ZNF446: variants seen among roughly 807,000 people sequenced by gnomAD.
The protein encoded by ZNF446 is zinc finger protein with KRAB and SCAN domains 20.
Under a neutral mutation model 34.0 loss-of-function variants are expected in ZNF446, and 42 were observed. The ratio of observed to expected loss-of-function variants is 1.23; its 90% CI spans 0.96 to 1.60. ZNF446 has a LOEUF of 1.60. ZNF446 is among the 40% of genes most tolerant of loss of function. ZNF446 has a pLI of 0.00. For missense variants in ZNF446, 650 were observed against 600.2 expected (o/e 1.08, Z -0.87); for synonymous variants, 315 against 251.0 (o/e 1.25, Z -2.41).
the ZNF446 span, among the ~76,000 whole-genome samples, chr19:58,487,497 A>G: frequency 6.6e-6 from 1 of 152,080 alleles, no homozygotes; most frequent in African/African-American, 2.4e-5. Flanking sequence ...CCCTCGACAA[A>G]CCCAGAAGGT....
Position 58,477,641 on chromosome 19 carries a change from C to T in ZNF446, c.347C>T (p.Thr116Ile), listed in dbSNP as rs373908208. 3.1e-6 allele frequency: 5 copies of T among 1,613,688 alleles called. No homozygotes were observed. The highest frequency in any genetic ancestry group is 2.7e-5 in the African/African-American group (2 of 74,944). Reference protein sequence around the residue: ...HDPGQLLGWITAHVLKQEVLP... With the variant: ...HDPGQLLGWIIAHVLKQEVLP... ...TGACCTACCTCTTCTCCTCAGATCA[C>T]AGCCCATGTCCTGAAGCAGGAGGTG... The change falls in exon 3 of 7, where the codon ACA becomes ATA. Residue 116 changes from threonine (T) to isoleucine (I), a missense_variant. Physicochemically the swap from Thr to Ile is moderately conservative, Grantham distance 89. Transcript: ENST00000594369.
Position 58,480,591 on chromosome 19 carries a change from G to C in ZNF446, c.1218G>C (p.Trp406Cys), listed in dbSNP as rs1415134090. 3.1e-6 allele frequency: 5 copies of C among 1,612,678 alleles called. No homozygotes were observed. Among genetic ancestry groups the C allele is most frequent in the Non-Finnish European group, 4.2e-6 (5 of 1,179,958 alleles). ...AGGAGTGCGGGTGCAGCTTCAGCTG[G>C]AAGTCGCAGCTGGTCATCCACCGCA... ...PCEECGCSFSWKSQLVIHRKS... is the reference protein window; with the variant it reads ...PCEECGCSFSCKSQLVIHRKS... Residue 406 changes from tryptophan to cysteine, a missense_variant, in exon 7 of 7, where the codon TGG becomes TGC. By Grantham distance (215) the Trp-to-Cys change is radical. Coordinates refer to ENST00000594369, the MANE Select transcript of ZNF446 (RefSeq NM_017908.4). The surrounding 1 kb of genome is among the most constrained non-coding windows in gnomAD (Gnocchi z 7.2).
At chr19:58,481,972 T>C (rs1277794701), downstream of ZNF446, among the ~76,000 whole-genome samples, 7 of 152,104 alleles carry the variant, frequency 4.6e-5, no homozygotes, top group Non-Finnish European at 1.0e-4. Context: ...TTTTTTGCAT[T>C]TTTAGTAGAG....
chr19:58,479,869 A>C (rs2122447721), intron 5 of ZNF446, 61 bp from the exon 6 acceptor site: 2 of 1,419,616 alleles, frequency 1.4e-6, no homozygotes, highest in African/African-American at 1.4e-5. Flanking sequence ...CACCTACCAG[A>C]ACCGACCCCA....
In ZNF446 at chr19:58,477,772, G is replaced by C. The variant is rs1436509145; in HGVS notation, c.478G>C (p.Val160Leu). The C allele has an allele frequency of 6.2e-7, 1 of 1,604,960 alleles. No individual in the cohort carries two copies. Among genetic ancestry groups the C allele is most frequent in the East Asian group, 2.2e-5 (1 of 44,814 alleles). Residue 160 changes from valine (V) to leucine (L), a missense_variant, in exon 3 of 7, where the codon GTC becomes CTC. Physicochemically the swap from Val to Leu is conservative, Grantham distance 32. Transcript: ENST00000594369. ...CCAGGACACCAGAATAGAGGGGTCT[G>C]TCCAGCTCAGCTGCAGTGTGAAGGA... ...GPQDTRIEGS[V>L]QLSCSVKEEP...
In ZNF446 at chr19:58,477,551, G is replaced by A; in HGVS notation, c.333G>A (p.Leu111=). The A allele has an allele frequency of 6.2e-7, 1 of 1,612,212 alleles. No individual in the cohort carries two copies. The highest frequency in any genetic ancestry group is 8.5e-7 in the Non-Finnish European group (1 of 1,178,964). Residue 111 remains leucine (L), a synonymous_variant, in exon 2 of 7, where the codon CTG becomes CTA. Transcript: ENST00000594369. ...VEGLQHDPGQ[L]LGWITAHVLK... ...GACTGCAGCATGACCCTGGGCAACT[G>A]TTGGGCTGGGTGAGTGTGGCTGGCA...
the ZNF446 span, among the ~76,000 whole-genome samples, chr19:58,487,151 A>G: frequency 6.6e-6 from 1 of 152,206 alleles, no homozygotes; most frequent in Non-Finnish European, 1.5e-5. Context: ...CCTGCCAATA[A>G]CAAGTATTGG....
chr19:58,486,471 A>G, the ZNF446 span, among the ~76,000 whole-genome samples: 2 of 147,298 alleles, frequency 1.4e-5, no homozygotes, highest in Admixed American at 6.7e-5. Context: ...GCAATGGGGT[A>G]ATCTCGGCTC....
At position 58,477,745 on chromosome 19, in the gene ZNF446, C is replaced by A; in HGVS notation, c.451C>A (p.Pro151Thr). Reference sequence around the variant, plus strand: ...GACAGTGGAGTCCCCTGGGGAAGGTCCCCAGGACACCAGAATAGAGGGGTC... The same window carrying A: ...GACAGTGGAGTCCCCTGGGGAAGGTACCCAGGACACCAGAATAGAGGGGTC... Reference protein sequence around the residue: ...SGTVESPGEGPQDTRIEGSVQ... With the variant: ...SGTVESPGEGTQDTRIEGSVQ... Residue 151 changes from proline (P) to threonine (T), a missense_variant, in exon 3 of 7, where the codon CCC becomes ACC. Transcript: ENST00000594369. The A allele has an allele frequency of 6.2e-7, 1 of 1,612,734 alleles. No homozygotes were observed. Among genetic ancestry groups the A allele is most frequent in the Non-Finnish European group, 8.5e-7 (1 of 1,179,464 alleles).
At chr19:58,478,631 T>A (rs1052539001) in intron 4 of ZNF446, among the ~76,000 whole-genome samples, 4 of 149,588 alleles carry the variant, frequency 2.7e-5, no homozygotes, top group Non-Finnish European at 5.9e-5. Context: ...GCCACTGCGC[T>A]CCAGCCTGGT....
At chr19:58,478,751 A>G (rs952453215) in intron 4 of ZNF446, among the ~76,000 whole-genome samples, 1 of 151,622 alleles carries the variant, frequency 6.6e-6, no homozygotes, top group Non-Finnish European at 1.5e-5. Flanking sequence ...TGGCTTCCTC[A>G]CCTCCAGAGA....
In ZNF446 at chr19:58,477,737, G is replaced by T. The variant is rs756061797; in HGVS notation, c.443G>T (p.Gly148Val). 6.2e-7 allele frequency: 1 copy of T among 1,613,542 alleles called. No individual in the cohort carries two copies. Among genetic ancestry groups the T allele is most frequent in the South Asian group, 1.1e-5 (1 of 91,056 alleles). Residue 148 changes from glycine to valine, a missense_variant, in exon 3 of 7, where the codon GGG (glycine) becomes GTG (valine). Transcript: ENST00000594369. ...CCCTCAGGGACAGTGGAGTCCCCTG[G>T]GGAAGGTCCCCAGGACACCAGAATA... ...PHPSGTVESP[G>V]EGPQDTRIEG...
chr19:58,484,271 T>TTA (rs2053157712), downstream of ZNF446, among the ~76,000 whole-genome samples: 1 of 66,548 alleles, frequency 1.5e-5, no homozygotes, highest in Non-Finnish European at 2.9e-5. Flanking sequence ...ACCCCATCTC[T>TTA]AAAAAAAAAA....
At chr19:58,487,982 G>A in the ZNF446 span, among the ~76,000 whole-genome samples, 1 of 151,732 alleles carries the variant, frequency 6.6e-6, no homozygotes, top group Admixed American at 6.5e-5. Context: ...GCACTGTGAG[G>A]ACAGGGCTTC....
chr19:58,480,457 T>G lies in ZNF446; in HGVS notation c.1084T>G (p.Ser362Ala). 1.2e-6 allele frequency: 2 copies of G among 1,611,404 alleles called. No individual in the cohort carries two copies. The highest frequency in any genetic ancestry group is 1.7e-4 in the Middle Eastern group (1 of 6,056). The change falls in exon 7 of 7, where the codon TCC (serine) becomes GCC (alanine). Residue 362 changes from serine to alanine, a missense_variant. Coordinates refer to ENST00000594369, the MANE Select transcript of ZNF446 (RefSeq NM_017908.4). This position sits in a 1 kb window ranked among gnomAD's most constrained non-coding sequence, Gnocchi z 7.2. ...ACACACGAGTGGGCCAGGTGTGCAGTCCCCGGGGCTAGCCACCGGGGAAAG... is the reference window on the plus strand; with the variant it reads ...ACACACGAGTGGGCCAGGTGTGCAGGCCCCGGGGCTAGCCACCGGGGAAAG... ...RTHTSGPGVQSPGLATGESTE... is the reference protein window; with the variant it reads ...RTHTSGPGVQAPGLATGESTE...
chr19:58,483,180 CAA>C (rs11334915), downstream of ZNF446, among the ~76,000 whole-genome samples: 73 of 138,260 alleles, frequency 5.3e-4, no homozygotes, highest in Non-Finnish European at 5.5e-4. Context: ...ACCTTGTCTC[CAA>C]AAAAAAAAAA....
chr19:58,479,494 C>A, intron 4 of ZNF446, 149 bp from the exon 5 acceptor site: 2 of 794,570 alleles, frequency 2.5e-6, no homozygotes, highest in South Asian at 1.8e-5. Context: ...CTGCACTTAA[C>A]AAACACACAC....
Position 58,481,216 on chromosome 19 carries a change from T to C in ZNF446, c.*490T>C, listed in dbSNP as rs1414562548. 1.3e-5 allele frequency: 2 copies of C among 157,560 alleles called. No individual in the cohort carries two copies. Among genetic ancestry groups the C allele is most frequent in the East Asian group, 1.9e-4 (1 of 5,304 alleles). 9.8% of individuals were successfully genotyped at this position (157,560 alleles called of 1,614,324 possible). ...TGTGTGTTAGAATTTTAACATAAAT[T>C]CCACTTTCATAATATGGAGTTTCTG... On this transcript the variant is annotated 3_prime_UTR_variant, in exon 7 of 7. Coordinates refer to ENST00000594369, the MANE Select transcript of ZNF446 (RefSeq NM_017908.4).
intron 5 of ZNF446, 38 bp downstream of exon 5, chr19:58,479,765 G>C: frequency 6.3e-7 from 1 of 1,597,554 alleles, no homozygotes; most frequent in Non-Finnish European, 8.5e-7. Flanking sequence ...CCTCTCCCTG[G>C]GGCCTGCACC....
Sources: gnomAD v4.1 joint callset for allele counts (sites outside exome capture counted in the v4.1 genomes callset) on GRCh38, gnomAD v4.1.1 for gene constraint, Gnocchi (gnomAD v3.1) non-coding constraint, MANE v1.5 for transcripts, NCBI Gene and HGNC (gene_info 2026-07-23, HGNC 2026-07-21) for gene names.